The following CD37 variants were observed in gnomAD, a reference collection of about 807,000 sequenced individuals.
The protein encoded by CD37 is leukocyte antigen CD37.
CD37 carries 37 observed loss-of-function variants against 38.9 expected under a neutral mutation model. The ratio of observed to expected loss-of-function variants is 0.95; its 90% CI spans 0.73 to 1.25. The LOEUF (loss-of-function observed/expected upper bound fraction) is 1.25. Ranked by LOEUF, CD37 falls within the 50% of genes most tolerant of loss-of-function variation. CD37 has a pLI of 0.00. For synonymous variants in CD37, 146 were observed against 150.1 expected (o/e 0.97, Z 0.20); for missense variants, 351 against 360.1 (o/e 0.97, Z 0.20).
rs1971044921 is a variant in CD37 at position 49,338,492 on chromosome 19, AC to A, written c.448-204del. On this transcript the variant is annotated intron_variant, in intron 5 of 7. Coordinates refer to ENST00000323906, the MANE Select transcript of CD37 (RefSeq NM_001774.3). The surrounding 1 kb of genome is among the most constrained non-coding windows in gnomAD (Gnocchi z 5.0). Reference sequence around the variant, plus strand: ...GCAGCTCCTTCCCCAGCCCCAGGTCACCCCGTGACTCGTCTTTCCCAGCCCC... The same window carrying A: ...GCAGCTCCTTCCCCAGCCCCAGGTCACCCGTGACTCGTCTTTCCCAGCCCC... Among the ~76,000 whole-genome samples, 1 of 151,436 alleles carries A rather than the reference AC, an allele frequency of 6.6e-6. No homozygotes were observed.
rs1050310812 is a variant in CD37 at position 49,337,491 on chromosome 19, G to A, written c.342+270G>A. On this transcript the variant is annotated intron_variant, in intron 4 of 7. Transcript: ENST00000323906. The stretch of plus-strand genomic sequence containing the variant: ...AAAAAAAAAATCCGGGTGTGATGGT[G>A]TGCACCTGGGGTCCCAGCTACTTGG... 7 of 626,614 alleles carry A rather than the reference G, an allele frequency of 1.1e-5. No homozygotes were observed. The Admixed American group carries it at 2.2e-4, about 20-fold the overall frequency. 38.8% of individuals were successfully genotyped at this position (626,614 alleles called of 1,614,324 possible).
intron 2 of CD37, 178 bp from the exon 3 acceptor site, chr19:49,336,731 G>T: frequency 6.6e-6 from 4 of 607,794 alleles, no homozygotes; most frequent in South Asian, 4.1e-5. Context: ...CGGGAAACAG[G>T]CCCAGAAAGA....
At position 49,335,476 on chromosome 19, in the gene CD37, C is replaced by A; in HGVS notation, c.-65C>A. The A allele has an allele frequency of 8.9e-7, 1 of 1,119,240 alleles. No individual in the cohort carries two copies. Among genetic ancestry groups the A allele is most frequent in the South Asian group, 1.2e-5 (1 of 80,202 alleles). The allele number at this position is 1,119,240 out of a possible 1,614,324, so 69.3% of individuals were successfully genotyped here. On this transcript the variant is annotated 5_prime_UTR_variant, in exon 1 of 8. The change creates a new upstream start codon in the 5' untranslated region. Coordinates refer to ENST00000323906, the MANE Select transcript of CD37 (RefSeq NM_001774.3). This position sits in a 1 kb window ranked among gnomAD's most constrained non-coding sequence, Gnocchi z 4.6. Reference sequence around the variant, plus strand: ...TCTCTCTCAGCCTCTTTCTTTCTCCCTGTCTCCCCCACTGTCAGCACCTCT... The same window carrying A: ...TCTCTCTCAGCCTCTTTCTTTCTCCATGTCTCCCCCACTGTCAGCACCTCT...
intron 7 of CD37, 64 bp from the exon 8 acceptor site, chr19:49,340,186 TG>T (rs1264946962): frequency 2.0e-5 from 29 of 1,484,554 alleles, no homozygotes; most frequent in Non-Finnish European, 2.5e-5. Context: ...CTCGCCCGGG[TG>T]GGCATCACCC....
Position 49,338,690 on chromosome 19 carries a change from C to A in CD37, c.448-10C>A, listed in dbSNP as rs1971054047. ...AGTCCCGGTCCCTCTGACTCGTATCCCTCTCCCAGCTGCGCTGCTGCGGCT... is the reference window on the plus strand; with the variant it reads ...AGTCCCGGTCCCTCTGACTCGTATCACTCTCCCAGCTGCGCTGCTGCGGCT... On this transcript the variant is annotated splice_polypyrimidine_tract_variant and intron_variant, in intron 5 of 7. Transcript: ENST00000323906. This position sits in a 1 kb window ranked among gnomAD's most constrained non-coding sequence, Gnocchi z 5.0. 1.2e-6 allele frequency: 2 copies of A among 1,600,274 alleles called. No homozygotes were observed. The highest frequency in any genetic ancestry group is 8.5e-7 in the Non-Finnish European group (1 of 1,171,252).
chr19:49,337,465 TA>T (rs111968087), intron 4 of CD37, among the ~76,000 whole-genome samples: 9,263 of 149,540 alleles, frequency 0.062, 982 homozygotes, highest in African/African-American at 0.21. Context: ...CATCTATATT[TA>T]AAAAAAAAAT....
At chr19:49,337,746 G>C (rs745542101) in intron 4 of CD37, 179 bp from the exon 5 acceptor site, 1 of 1,536,664 alleles carries the variant, frequency 6.5e-7, no homozygotes, top group South Asian at 1.2e-5. Flanking sequence ...AGAGACTTAT[G>C]AGCCGTAGAA....
Position 49,335,914 on chromosome 19 carries a change from A to G in CD37, c.142+128A>G. ...GGCTACAGGCTCCCATCCACTGCTCACCGGAGGCTTCTTGGAGCCTGAGTC... is the reference window on the plus strand; with the variant it reads ...GGCTACAGGCTCCCATCCACTGCTCGCCGGAGGCTTCTTGGAGCCTGAGTC... On this transcript the variant is annotated intron_variant, in intron 2 of 7. Coordinates refer to ENST00000323906, the MANE Select transcript of CD37 (RefSeq NM_001774.3). This position sits in a 1 kb window ranked among gnomAD's most constrained non-coding sequence, Gnocchi z 4.6. The G allele has an allele frequency of 1.3e-6, 1 of 745,588 alleles. No homozygotes were observed. The highest frequency in any genetic ancestry group is 2.3e-6 in the Non-Finnish European group (1 of 432,746). The allele number at this position is 745,588 out of a possible 1,614,324, so 46.2% of individuals were successfully genotyped here. A position where few individuals can be genotyped will look rare whatever the true frequency, so the allele number is the denominator to read the frequency against.
Position 49,339,284 on chromosome 19 carries a change from G to A in CD37, c.685-46G>A, listed in dbSNP as rs373559369. ...TGAAAAGAACGCTGGGCCTGGGCTT[G>A]AGAGTCCCAGAAAGAATCCCTTTAA... On this transcript the variant is annotated intron_variant, in intron 6 of 7. Coordinates refer to ENST00000323906, the MANE Select transcript of CD37 (RefSeq NM_001774.3). This position sits in a 1 kb window ranked among gnomAD's most constrained non-coding sequence, Gnocchi z 4.5. 7 of 1,539,478 alleles carry A rather than the reference G, an allele frequency of 4.5e-6. No homozygotes were observed. The highest frequency in any genetic ancestry group is 1.1e-5 in the South Asian group (1 of 88,988).
rs952098882 is a variant in CD37 at position 49,339,704 on chromosome 19, G to A, written c.768+291G>A. Reference sequence around the variant, plus strand: ...GTACAGCTACAGCGCAGGGCACTCCGCCGGAAATGCGAGCCGCACGTGCCG... The same window carrying A: ...GTACAGCTACAGCGCAGGGCACTCCACCGGAAATGCGAGCCGCACGTGCCG... On this transcript the variant is annotated intron_variant, in intron 7 of 7. Transcript: ENST00000323906. The surrounding 1 kb of genome is among the most constrained non-coding windows in gnomAD (Gnocchi z 4.5). 1 of 1,403,682 alleles carries A rather than the reference G, an allele frequency of 7.1e-7. No homozygotes were observed. Among genetic ancestry groups the A allele is most frequent in the Admixed American group, 3.1e-5 (1 of 31,954 alleles). The allele number at this position is 1,403,682 out of a possible 1,614,324, so 87.0% of individuals were successfully genotyped here. A position where few individuals can be genotyped will look rare whatever the true frequency, so the allele number is the denominator to read the frequency against.
chr19:49,339,778 G>T lies in CD37; in HGVS notation c.768+365G>T, dbSNP rs1256571430. On this transcript the variant is annotated intron_variant, in intron 7 of 7. Coordinates refer to ENST00000323906, the MANE Select transcript of CD37 (RefSeq NM_001774.3). This position sits in a 1 kb window ranked among gnomAD's most constrained non-coding sequence, Gnocchi z 4.5. ...GCCCAGCCTGATCGCTGACGGCGGC[G>T]GCGGGCACAGCGGCAGTCTGTGGGG... 2 of 1,367,210 alleles carry T rather than the reference G, an allele frequency of 1.5e-6. No individual in the cohort carries two copies. Among genetic ancestry groups the T allele is most frequent in the African/African-American group, 2.9e-5 (2 of 68,128 alleles). 84.7% of individuals were successfully genotyped at this position (1,367,210 alleles called of 1,614,324 possible).
In CD37 at chr19:49,338,969, A is replaced by C; in HGVS notation, c.684+33A>C. On this transcript the variant is annotated intron_variant, in intron 6 of 7. Transcript: ENST00000323906. This position sits in a 1 kb window ranked among gnomAD's most constrained non-coding sequence, Gnocchi z 5.0. ...GGGGTTCGGAGCATAAACCTGTCGA[A>C]TGGGGCGGGGCCTGCGGGAGGGGGA... The C allele has an allele frequency of 7.1e-7, 1 of 1,417,710 alleles. No individual in the cohort carries two copies. The highest frequency in any genetic ancestry group is 1.1e-5 in the South Asian group (1 of 87,212). 87.8% of individuals were successfully genotyped at this position (1,417,710 alleles called of 1,614,324 possible).
At position 49,339,438 on chromosome 19, in the gene CD37, C is replaced by A. The variant is rs775492827; in HGVS notation, c.768+25C>A. The A allele has an allele frequency of 6.2e-7, 1 of 1,603,890 alleles. No individual in the cohort carries two copies. On this transcript the variant is annotated intron_variant, in intron 7 of 7. Transcript: ENST00000323906. This position sits in a 1 kb window ranked among gnomAD's most constrained non-coding sequence, Gnocchi z 4.5. ...GGTGATCTGGCCCCGCCCCCACCCGCGATCGGCCCTAAATCCCTAGATGGC... is the reference window on the plus strand; with the variant it reads ...GGTGATCTGGCCCCGCCCCCACCCGAGATCGGCCCTAAATCCCTAGATGGC...
chr19:49,338,879 G>A lies in CD37; in HGVS notation c.627G>A (p.Arg209=), dbSNP rs373422599. The change falls in exon 6 of 8, where the codon CGG becomes CGA. Residue 209 remains arginine, a synonymous_variant. Coordinates refer to ENST00000323906, the MANE Select transcript of CD37 (RefSeq NM_001774.3). The surrounding 1 kb of genome is among the most constrained non-coding windows in gnomAD (Gnocchi z 5.0). ...TCAGCAGGCTTGGACACCTGGCGCG[G>A]TCCAGACACAGTGCAGACATCTGCG... ...PQLSRLGHLA[R]SRHSADICAV... The A allele has an allele frequency of 8.7e-6, 14 of 1,614,014 alleles. No homozygotes were observed. The highest frequency in any genetic ancestry group is 1.3e-5 in the African/African-American group (1 of 74,924).
chr19:49,335,598 CTCT>C lies in CD37; in HGVS notation c.67_69del (p.Phe23del), dbSNP rs767779545. 15 of 1,613,450 alleles carry C rather than the reference CTCT, an allele frequency of 9.3e-6. No homozygotes were observed. Among genetic ancestry groups the C allele is most frequent in the Admixed American group, 5.0e-5 (3 of 60,006 alleles). The stretch of plus-strand genomic sequence containing the variant: ...CAAGTACTTCCTCTTCGTTTTCAAC[CTCT>C]TCTTCTTCGTGAGTTGCCTCATGGC... On this transcript the variant is annotated inframe_deletion, in exon 1 of 8. Transcript: ENST00000323906. The surrounding 1 kb of genome is among the most constrained non-coding windows in gnomAD (Gnocchi z 4.6).
chr19:49,337,512 C>A, intron 4 of CD37: 1 of 712,360 alleles, frequency 1.4e-6, no homozygotes, highest in Non-Finnish European at 2.2e-6. Flanking sequence ...GTCCCAGCTA[C>A]TTGGGAGGTC....
intron 7 of CD37, 44 bp from the exon 8 acceptor site, chr19:49,340,207 C>T (rs774489141): frequency 1.9e-6 from 3 of 1,565,494 alleles, no homozygotes; most frequent in Non-Finnish European, 2.6e-6. Context: ...CCCGTCTCGC[C>T]AGCACCCCTT....
In CD37 at chr19:49,335,852, G is replaced by A. The variant is rs1970934131; in HGVS notation, c.142+66G>A. 2 of 1,291,280 alleles carry A rather than the reference G, an allele frequency of 1.5e-6. No homozygotes were observed. Among genetic ancestry groups the A allele is most frequent in the Non-Finnish European group, 1.1e-6 (1 of 891,604 alleles). 80.0% of individuals were successfully genotyped at this position (1,291,280 alleles called of 1,614,324 possible). On this transcript the variant is annotated intron_variant, in intron 2 of 7. Transcript: ENST00000323906. This position sits in a 1 kb window ranked among gnomAD's most constrained non-coding sequence, Gnocchi z 4.6. Reference sequence around the variant, plus strand: ...CAAGCAACTTCCTGGGGTCTCCCTTGTCTCAGGGAGACCTACGGTGCCCTA... The same window carrying A: ...CAAGCAACTTCCTGGGGTCTCCCTTATCTCAGGGAGACCTACGGTGCCCTA...
In CD37 at chr19:49,335,588, C is replaced by T. The variant is rs369641529; in HGVS notation, c.48C>T (p.Phe16=). ...TCAGCCTCATCAAGTACTTCCTCTTCGTTTTCAACCTCTTCTTCTTCGTGA... is the reference window on the plus strand; with the variant it reads ...TCAGCCTCATCAAGTACTTCCTCTTTGTTTTCAACCTCTTCTTCTTCGTGA... ...SCLSLIKYFL[F]VFNLFFFVLG... The change falls in exon 1 of 8, where the codon TTC becomes TTT. Residue 16 remains phenylalanine (F), a synonymous_variant. Transcript: ENST00000323906. The surrounding 1 kb of genome is among the most constrained non-coding windows in gnomAD (Gnocchi z 4.6). 1.3e-4 allele frequency: 214 copies of T among 1,613,884 alleles called. 1 individual carries two copies. The highest frequency in any genetic ancestry group is 6.6e-4 in the Middle Eastern group (4 of 6,082).
Sources: gnomAD v4.1 joint callset for allele counts (sites outside exome capture counted in the v4.1 genomes callset) on GRCh38, gnomAD v4.1.1 for gene constraint, Gnocchi (gnomAD v3.1) non-coding constraint, MANE v1.5 for transcripts, NCBI Gene and HGNC (gene_info 2026-07-23, HGNC 2026-07-21) for gene names.